CSMD1: variants seen among roughly 807,000 people sequenced by gnomAD.
CSMD1 encodes the protein CUB and sushi domain-containing protein 1.
In CSMD1, 213 loss-of-function variants were observed where a neutral mutation model predicts 417.5. The observed-to-expected ratio is 0.51, with a 90% CI of 0.46 to 0.57. The LOEUF (loss-of-function observed/expected upper bound fraction) is 0.57. CSMD1 is among the 20% of genes least tolerant of loss of function. CSMD1 has a pLI of 0.00. For missense variants in CSMD1, 6,923 were observed against 4,529.7 expected (o/e 1.53, Z -15.17); for synonymous variants, 2,862 against 1,736.8 (o/e 1.65, Z -16.11).
chr8:3,444,065 T>C (rs763502778), intron 12 of CSMD1, among the ~76,000 whole-genome samples: 1 of 152,066 alleles, frequency 6.6e-6, no homozygotes, highest in African/African-American at 2.4e-5. Flanking sequence ...TGTCTCTTTG[T>C]TCTATACACA....
At chr8:4,780,285 T>A (rs1196835782) in intron 1 of CSMD1, among the ~76,000 whole-genome samples, 1 of 152,326 alleles carries the variant, frequency 6.6e-6, no homozygotes, top group East Asian at 1.9e-4. Context: ...GCCCAGGCTT[T>A]GTCTCTGTAT....
intron 1 of CSMD1, among the ~76,000 whole-genome samples, chr8:4,765,376 G>T (rs568519776): frequency 6.6e-6 from 1 of 152,050 alleles, no homozygotes; most frequent in African/African-American, 2.4e-5. Flanking sequence ...GCACATCATC[G>T]GATTGTCAGA....
intron 12 of CSMD1, among the ~76,000 whole-genome samples, chr8:3,414,167 A>C (rs1812982664): frequency 7.0e-6 from 1 of 143,436 alleles, no homozygotes; most frequent in African/African-American, 2.5e-5. Flanking sequence ...AAAAAGAAGC[A>C]AACACTATGA....
chr8:4,454,894 C>G (rs1799376877), intron 2 of CSMD1, among the ~76,000 whole-genome samples: 1 of 152,064 alleles, frequency 6.6e-6, no homozygotes, highest in Non-Finnish European at 1.5e-5. Context: ...TGTGATACAC[C>G]TACAGAAACT....
intron 5 of CSMD1, among the ~76,000 whole-genome samples, chr8:3,870,106 C>T (rs538053783): frequency 6.8e-4 from 103 of 152,250 alleles, no homozygotes; most frequent in Non-Finnish European, 1.3e-3. Context: ...TAATAACATG[C>T]ACTCTATAAA....
intron 2 of CSMD1, among the ~76,000 whole-genome samples, chr8:4,480,200 A>C (rs199643373): frequency 1.6e-4 from 24 of 150,186 alleles, no homozygotes; most frequent in African/African-American, 3.7e-4. Context: ...AAAAAAAAAA[A>C]CAAAAAAAAA....
chr8:4,571,923 T>G (rs144029442), intron 2 of CSMD1, among the ~76,000 whole-genome samples: 9,246 of 152,258 alleles, frequency 0.061, 887 homozygotes, highest in African/African-American at 0.21. Context: ...GTCTGTTTTA[T>G]CAGAGACTAG....
At chr8:3,863,778 T>C (rs1804892025) in intron 5 of CSMD1, among the ~76,000 whole-genome samples, 2 of 152,162 alleles carry the variant, frequency 1.3e-5, no homozygotes, top group Admixed American at 6.5e-5. Flanking sequence ...TTTCTACTAG[T>C]TTTTCTGCTT....
intron 2 of CSMD1, among the ~76,000 whole-genome samples, chr8:4,533,022 G>A (rs60392405): frequency 0.35 from 52,719 of 151,816 alleles, 10,892 homozygotes; most frequent in Non-Finnish European, 0.46. Flanking sequence ...CAGTCACTCC[G>A]GAGTTTCTCC....
intron 42 of CSMD1, 48 bp downstream of exon 42, chr8:3,118,351 T>A: frequency 7.8e-7 from 1 of 1,277,728 alleles, no homozygotes; most frequent in Non-Finnish European, 1.1e-6. Context: ...AATGTGCTAT[T>A]ATGCCCATGA....
intron 10 of CSMD1, among the ~76,000 whole-genome samples, chr8:3,524,146 T>C (rs1051682972): frequency 6.9e-6 from 1 of 144,128 alleles, no homozygotes; most frequent in African/African-American, 2.6e-5. Flanking sequence ...CACACGCACA[T>C]ATGCATGCAC....
At chr8:3,033,614 G>C (rs911547847) in intron 50 of CSMD1, among the ~76,000 whole-genome samples, 7 of 150,724 alleles carry the variant, frequency 4.6e-5, no homozygotes, top group Non-Finnish European at 8.9e-5. Flanking sequence ...TAAGGGACAA[G>C]AGGAGGGAGA....
At chr8:4,220,943 C>A (rs1030195005) in intron 3 of CSMD1, among the ~76,000 whole-genome samples, 1 of 152,166 alleles carries the variant, frequency 6.6e-6, no homozygotes, top group Non-Finnish European at 1.5e-5. Flanking sequence ...ACAGTTCACA[C>A]CACACGGTTG....
chr8:4,591,473 T>C (rs1799979848), intron 2 of CSMD1, among the ~76,000 whole-genome samples: 1 of 152,164 alleles, frequency 6.6e-6, no homozygotes, highest in South Asian at 2.1e-4. Flanking sequence ...AGCAGAGCTA[T>C]CGAGCTGTAA....
chr8:3,416,417 T>G (rs749712943), intron 12 of CSMD1, among the ~76,000 whole-genome samples: 3 of 151,128 alleles, frequency 2.0e-5, no homozygotes, highest in Non-Finnish European at 2.9e-5. Flanking sequence ...GAAAAAGAAC[T>G]CTGAAGGTAG....
intron 21 of CSMD1, among the ~76,000 whole-genome samples, chr8:3,357,762 T>C (rs999430574): frequency 3.9e-5 from 6 of 152,000 alleles, no homozygotes; most frequent in South Asian, 2.1e-4. Context: ...ACCTGCAAAA[T>C]ACCGTATTTT....
At chr8:4,606,623 C>A (rs1256330305) in intron 2 of CSMD1, among the ~76,000 whole-genome samples, 1 of 152,138 alleles carries the variant, frequency 6.6e-6, no homozygotes, top group African/African-American at 2.4e-5. Flanking sequence ...AAAACGGAGA[C>A]AAATATGGGC....
chr8:3,372,412 C>A (rs1214015140), intron 18 of CSMD1, among the ~76,000 whole-genome samples: 1 of 152,068 alleles, frequency 6.6e-6, no homozygotes, highest in Admixed American at 6.6e-5. Context: ...CATGACCTAC[C>A]TGGGGTTTAG....
intron 2 of CSMD1, among the ~76,000 whole-genome samples, chr8:4,463,641 G>C (rs916991306): frequency 7.9e-5 from 12 of 152,164 alleles, no homozygotes; most frequent in Admixed American, 6.5e-4. Context: ...AATGGAAAGA[G>C]CTAGTCACAA....
Sources: allele counts gnomAD v4.1 joint callset (sites outside exome capture counted in the v4.1 genomes callset), GRCh38; gene constraint gnomAD v4.1.1; transcripts MANE v1.5; gene names NCBI Gene and HGNC (gene_info 2026-07-23, HGNC 2026-07-21).